EBF4: variants seen among roughly 807,000 people sequenced by gnomAD.
EBF4 encodes transcription factor COE4.
Under a neutral mutation model 67.1 loss-of-function variants are expected in EBF4, and 34 were observed. That is an observed-to-expected ratio of 0.51 (90% confidence interval 0.39 to 0.67). The LOEUF (loss-of-function observed/expected upper bound fraction) is 0.67. Ranked by LOEUF, EBF4 falls within the 30% of genes least tolerant of loss-of-function variation. The pLI, the probability that EBF4 is intolerant of heterozygous loss-of-function variation, is 0.00. For synonymous variants in EBF4, 387 were observed against 377.7 expected (o/e 1.02, Z -0.29); for missense variants, 837 against 873.3 (o/e 0.96, Z 0.52).
chr20:2,715,697 A>AT (rs947218211), intron 6 of EBF4, among the ~76,000 whole-genome samples: 5 of 152,034 alleles, frequency 3.3e-5, no homozygotes, highest in African/African-American at 1.2e-4. Flanking sequence ...CTTAATTTGC[A>AT]TTTTCCAGAT....
chr20:2,701,329 G>A (rs922410048), intron 1 of EBF4, among the ~76,000 whole-genome samples: 17 of 152,212 alleles, frequency 1.1e-4, no homozygotes, highest in African/African-American at 3.6e-4. Context: ...GCTGGCAGGA[G>A]ACACTGGCCC....
rs1208065930 is a variant in EBF4, at chr20:2,707,930, C to T, written c.415-17C>T. On this transcript the variant is annotated splice_polypyrimidine_tract_variant and intron_variant, in intron 4 of 16. Transcript: ENST00000609451. This position sits in a 1 kb window ranked among gnomAD's most constrained non-coding sequence, Gnocchi z 4.6. ...GAGCCTCCTTCCCCTCCAGCCTGTG[C>T]ACCTCCCTCTCCCCAGGCCATCATC... The T allele has an allele frequency of 6.3e-7, 1 of 1,579,172 alleles. No homozygotes were observed. The highest frequency in any genetic ancestry group is 1.8e-5 in the Admixed American group (1 of 54,608).
intron 6 of EBF4, among the ~76,000 whole-genome samples, chr20:2,711,176 AAT>A (rs2087539861): frequency 6.6e-6 from 1 of 150,406 alleles, no homozygotes; most frequent in Non-Finnish European, 1.5e-5. Context: ...TAATAATAAT[AAT>A]AAAATTAAAT....
intron 6 of EBF4, among the ~76,000 whole-genome samples, chr20:2,719,464 G>A (rs914265559): frequency 1.3e-5 from 2 of 152,040 alleles, no homozygotes; most frequent in Admixed American, 6.5e-5. Context: ...TGTTAGAGAC[G>A]GGGTTTCACC....
chr20:2,701,657 G>A (rs541422161), intron 1 of EBF4, among the ~76,000 whole-genome samples: 14 of 152,340 alleles, frequency 9.2e-5, no homozygotes, highest in African/African-American at 2.4e-4. Context: ...GGGAGATTCC[G>A]TTATTTCTCA....
intron 6 of EBF4, among the ~76,000 whole-genome samples, chr20:2,723,350 T>C (rs2087706717): frequency 6.6e-6 from 1 of 152,000 alleles, no homozygotes; most frequent in Non-Finnish European, 1.5e-5. Flanking sequence ...TTATTTTTAT[T>C]TTTTTTTATT....
intron 1 of EBF4, among the ~76,000 whole-genome samples, chr20:2,698,103 G>A (rs1376652328): frequency 4.6e-5 from 7 of 152,194 alleles, no homozygotes; most frequent in Non-Finnish European, 1.0e-4. Flanking sequence ...GAGTCTTTAG[G>A]TAGAATTGAG....
At chr20:2,706,154 A>G (rs1430643966) in intron 3 of EBF4, 55 bp from the exon 4 acceptor site, 1 of 1,551,150 alleles carries the variant, frequency 6.4e-7, no homozygotes, top group African/African-American at 1.4e-5. Context: ...TGGTCTGGTC[A>G]TTGAGGCTGC....
intron 6 of EBF4, among the ~76,000 whole-genome samples, chr20:2,741,557 C>A (rs577239844): frequency 6.6e-6 from 1 of 152,184 alleles, no homozygotes; most frequent in Admixed American, 6.5e-5. Flanking sequence ...ACTCCATGGA[C>A]AAGACGTTTC....
intron 6 of EBF4, among the ~76,000 whole-genome samples, chr20:2,735,068 C>T (rs761155325): frequency 6.6e-6 from 1 of 152,206 alleles, no homozygotes; most frequent in African/African-American, 2.4e-5. Flanking sequence ...TTGCCCCCAA[C>T]TTGTATTGCT....
At position 2,747,197 on chromosome 20, in the gene EBF4, G is replaced by C. The variant is rs114364955; in HGVS notation, c.558-1352G>C. On this transcript the variant is annotated intron_variant, in intron 6 of 16. Coordinates refer to ENST00000609451, the Ensembl canonical transcript of EBF4. This position sits in a 1 kb window ranked among gnomAD's most constrained non-coding sequence, Gnocchi z 4.6. ...ATCCCCCTGTAATCCCCTGTAACTC[G>C]GGAAGCCAAGGGCTGAGGCAGGGAC... Among the ~76,000 whole-genome samples, 1 of 152,040 alleles carries C rather than the reference G, an allele frequency of 6.6e-6. No individual in the cohort carries two copies. The highest frequency in any genetic ancestry group is 1.5e-5 in the Non-Finnish European group (1 of 68,016).
Position 2,755,639 on chromosome 20 carries a change from G to GCC in EBF4, c.1558_1559dup (p.Leu521ArgfsTer27). On this transcript the variant is annotated frameshift_variant, in exon 15 of 17. Transcript: ENST00000609451. LOFTEE classifies it high-confidence loss of function. The surrounding 1 kb of genome is among the most constrained non-coding windows in gnomAD (Gnocchi z 4.7). ...CCCCGCCCCGGAGTCATGCCCTCTA[G>GCC]CCCCCCGCTGGCGGCTGCCTCCTCC... 8.5e-7 allele frequency: 1 copy of GCC among 1,181,292 alleles called. No homozygotes were observed. Among genetic ancestry groups the GCC allele is most frequent in the Non-Finnish European group, 1.1e-6 (1 of 884,474 alleles). 73.2% of individuals were successfully genotyped at this position (1,181,292 alleles called of 1,614,324 possible). A position where few individuals can be genotyped will look rare whatever the true frequency, so the allele number is the denominator to read the frequency against.
chr20:2,737,017 A>C (rs1306825432), intron 6 of EBF4, among the ~76,000 whole-genome samples: 2 of 152,056 alleles, frequency 1.3e-5, no homozygotes, highest in African/African-American at 2.4e-5. Flanking sequence ...TGGGAGGCCA[A>C]GGTGGGCAGA....
Position 2,707,877 on chromosome 20 carries a change from C to T in EBF4, c.415-70C>T, listed in dbSNP as rs1168062795. On this transcript the variant is annotated intron_variant, in intron 4 of 16. Coordinates refer to ENST00000609451, the Ensembl canonical transcript of EBF4. The surrounding 1 kb of genome is among the most constrained non-coding windows in gnomAD (Gnocchi z 4.6). ...GCCTAGGCTTGGGAGATGCCAGGTCCGTCTGTGCTGCCACCTGCACCTCAG... is the reference window on the plus strand; with the variant it reads ...GCCTAGGCTTGGGAGATGCCAGGTCTGTCTGTGCTGCCACCTGCACCTCAG... The T allele has an allele frequency of 3.9e-5, 56 of 1,434,462 alleles. No homozygotes were observed. The highest frequency in any genetic ancestry group is 4.8e-5 in the Non-Finnish European group (51 of 1,059,712). 88.9% of individuals were successfully genotyped at this position (1,434,462 alleles called of 1,614,324 possible).
intron 4 of EBF4, among the ~76,000 whole-genome samples, chr20:2,706,796 A>G (rs1407611588): frequency 6.6e-6 from 1 of 152,190 alleles, no homozygotes; most frequent in Non-Finnish European, 1.5e-5. Flanking sequence ...TCTGCAGCTG[A>G]CATCAGCCAC....
chr20:2,757,534 C>G (rs2088263703), intron 15 of EBF4, among the ~76,000 whole-genome samples: 1 of 152,152 alleles, frequency 6.6e-6, no homozygotes, highest in East Asian at 1.9e-4. Flanking sequence ...CTTGCCCAAG[C>G]AAGGTTTGAA....
At chr20:2,716,344 C>A (rs2087610022) in intron 6 of EBF4, among the ~76,000 whole-genome samples, 1 of 151,430 alleles carries the variant, frequency 6.6e-6, no homozygotes. Context: ...CTGACCAACA[C>A]GGAGAAACCC....
chr20:2,730,266 G>T (rs1411933145), intron 6 of EBF4, among the ~76,000 whole-genome samples: 1 of 152,178 alleles, frequency 6.6e-6, no homozygotes, highest in Non-Finnish European at 1.5e-5. Flanking sequence ...GGCCCTAGGG[G>T]TGAATCTTCC....
chr20:2,708,979 A>G (rs1444631311), intron 5 of EBF4, among the ~76,000 whole-genome samples: 1 of 152,134 alleles, frequency 6.6e-6, no homozygotes, highest in African/African-American at 2.4e-5. Flanking sequence ...TGAGGCCAGG[A>G]GTTCAAAAGC....
Sources: gnomAD v4.1 joint callset for allele counts (sites outside exome capture counted in the v4.1 genomes callset) on GRCh38, gnomAD v4.1.1 for gene constraint, Gnocchi (gnomAD v3.1) non-coding constraint, MANE v1.5 for transcripts, NCBI Gene and HGNC (gene_info 2026-07-23, HGNC 2026-07-21) for gene names.